ATP6V0A2: variants seen among roughly 807,000 people sequenced by gnomAD.
ATP6V0A2 encodes ATPase H+ transporting V0 subunit a2.
In ATP6V0A2, 58 loss-of-function variants were observed where a neutral mutation model predicts 104.4. The observed-to-expected ratio is 0.56, with a 90% CI of 0.45 to 0.69. The LOEUF (loss-of-function observed/expected upper bound fraction) is 0.69. Among genes scored for constraint, ATP6V0A2 ranks in the 30% least tolerant of loss-of-function variants. The pLI is 0.00. For missense variants in ATP6V0A2, 938 were observed against 1,062.9 expected (o/e 0.88, Z 1.63); for synonymous variants, 376 against 397.9 (o/e 0.95, Z 0.65).
intron 1 of ATP6V0A2, among the ~76,000 whole-genome samples, chr12:123,715,397 A>G (rs544077612): frequency 1.3e-5 from 2 of 152,314 alleles, no homozygotes; most frequent in South Asian, 2.1e-4. Flanking sequence ...GAAGGTGACA[A>G]ACAGAAGTGA....
At chr12:123,718,380 GC>G (rs1956364869) in intron 1 of ATP6V0A2, among the ~76,000 whole-genome samples, 1 of 151,884 alleles carries the variant, frequency 6.6e-6, no homozygotes, top group Non-Finnish European at 1.5e-5. Context: ...GTGAGCTACC[GC>G]CCCGGCCTAA....
In ATP6V0A2 at chr12:123,712,418, C is replaced by T. The variant is rs886049059; in HGVS notation, c.-148C>T. 17 of 412,696 alleles carry T rather than the reference C, an allele frequency of 4.1e-5. No homozygotes were observed. The highest frequency in any genetic ancestry group is 5.8e-5 in the Non-Finnish European group (14 of 242,988). The allele number at this position is 412,696 out of a possible 1,614,324, so 25.6% of individuals were successfully genotyped here. A position where few individuals can be genotyped will look rare whatever the true frequency, so the allele number is the denominator to read the frequency against. On this transcript the variant is annotated 5_prime_UTR_variant, in exon 1 of 20. Transcript: ENST00000330342. ...CCGCGGTGGCAGAACCGGGGGCGGCCGCTGCAGTCTGGAGCCCCATAGTGC... is the reference window on the plus strand; with the variant it reads ...CCGCGGTGGCAGAACCGGGGGCGGCTGCTGCAGTCTGGAGCCCCATAGTGC...
At chr12:123,736,617 G>T (rs892741272) in intron 8 of ATP6V0A2, among the ~76,000 whole-genome samples, 1 of 152,216 alleles carries the variant, frequency 6.6e-6, no homozygotes, top group Non-Finnish European at 1.5e-5. Flanking sequence ...TTGGCATGAA[G>T]TGTCCTTCTG....
intron 1 of ATP6V0A2, among the ~76,000 whole-genome samples, chr12:123,715,219 A>G (rs1956328721): frequency 6.6e-6 from 1 of 152,242 alleles, no homozygotes; most frequent in Non-Finnish European, 1.5e-5. Context: ...ATTTAGAGTT[A>G]AGTACTATTT....
chr12:123,724,740 G>A lies in ATP6V0A2; in HGVS notation c.381G>A (p.Glu127=), dbSNP rs761030937. 87 of 1,613,714 alleles carry A rather than the reference G, an allele frequency of 5.4e-5. No homozygotes were observed. Among genetic ancestry groups the A allele is most frequent in the Non-Finnish European group, 7.4e-5 (87 of 1,179,786 alleles). Residue 127 remains glutamate (E), a synonymous_variant, in exon 4 of 20, where the codon GAG becomes GAA. Transcript: ENST00000330342. ...GGAAAAACTTGCTGGAACTGATAGAGTACACTCACATGCTGAGAGTGACAA... is the reference window on the plus strand; with the variant it reads ...GGAAAAACTTGCTGGAACTGATAGAATACACTCACATGCTGAGAGTGACAA... ...KLRKNLLELI[E]YTHMLRVTKT...
At chr12:123,720,708 A>G (rs1593886614) in intron 2 of ATP6V0A2, among the ~76,000 whole-genome samples, 1 of 152,090 alleles carries the variant, frequency 6.6e-6, no homozygotes, top group East Asian at 1.9e-4. Context: ...TGCAGACTTA[A>G]AACAGTGAAA....
At chr12:123,757,710 A>C (rs1956777717) in intron 19 of ATP6V0A2, among the ~76,000 whole-genome samples, 1 of 152,164 alleles carries the variant, frequency 6.6e-6, no homozygotes, top group Non-Finnish European at 1.5e-5. Flanking sequence ...GCAGTGAGAG[A>C]CAGCGGATGT....
Position 123,754,542 on chromosome 12 carries a change from G to A in ATP6V0A2, c.2293+5G>A. 1 of 1,609,566 alleles carries A rather than the reference G, an allele frequency of 6.2e-7. No individual in the cohort carries two copies. The highest frequency in any genetic ancestry group is 1.1e-5 in the South Asian group (1 of 90,964). On this transcript the variant is annotated splice_donor_5th_base_variant and intron_variant, in intron 18 of 19. Coordinates refer to ENST00000330342, the MANE Select transcript of ATP6V0A2 (RefSeq NM_012463.4). Reference sequence around the variant, plus strand: ...CGCTTAGCCTGGCTCACGCACGTAAGTTCCTGCTTAGACCTGCAGTTCCCA... The same window carrying A: ...CGCTTAGCCTGGCTCACGCACGTAAATTCCTGCTTAGACCTGCAGTTCCCA...
intron 19 of ATP6V0A2, 104 bp from the exon 20 acceptor site, chr12:123,757,823 G>A: frequency 1.3e-6 from 1 of 752,630 alleles, no homozygotes; most frequent in Non-Finnish European, 2.2e-6. Context: ...ATTTTGGAAT[G>A]AAGCAATTTC....
rs1474075845 is a variant in ATP6V0A2, at chr12:123,712,358, C to G, written c.-208C>G. On this transcript the variant is annotated 5_prime_UTR_variant, in exon 1 of 20. Transcript: ENST00000330342. ...ACCGGCAGTGGCTTGGGGGCGGGAC[C>G]TCGCGGACTGCTGTGGCGGCAGCTG... The G allele has an allele frequency of 3.0e-6, 1 of 327,946 alleles. No individual in the cohort carries two copies. Among genetic ancestry groups the G allele is most frequent in the Non-Finnish European group, 5.5e-6 (1 of 182,858 alleles). 20.3% of individuals were successfully genotyped at this position (327,946 alleles called of 1,614,324 possible).
rs759077965 is a variant in ATP6V0A2 at position 123,737,231 on chromosome 12, C to T, written c.998C>T (p.Ala333Val). The change falls in exon 9 of 20, where the codon GCG (alanine) becomes GTG (valine). Residue 333 changes from alanine (A) to valine (V), a missense_variant. Ala to Val is a moderately conservative substitution (Grantham distance 64). Transcript: ENST00000330342. ...ATTGCTGAGGTCTGGTGTCCCGAGG[C>T]GGATCTGCAGGACCTGCGCCGGGCA... ...CLIAEVWCPE[A>V]DLQDLRRALE... 12 of 1,613,968 alleles carry T rather than the reference C, an allele frequency of 7.4e-6. No homozygotes were observed. In the East Asian group the frequency reaches 2.2e-4, roughly 30 times the overall value.
At chr12:123,717,829 G>GA (rs145246302) in intron 1 of ATP6V0A2, among the ~76,000 whole-genome samples, 2,296 of 152,098 alleles carry the variant, frequency 0.015, 46 homozygotes, top group African/African-American at 0.053. Flanking sequence ...CTTTTTCCCT[G>GA]AGATTGATGT....
rs1374256838 is a variant in ATP6V0A2 at position 123,724,618 on chromosome 12, T to C, written c.295-36T>C. 1.9e-6 allele frequency: 3 copies of C among 1,610,592 alleles called. No homozygotes were observed. In the African/African-American group the frequency reaches 4.0e-5, roughly 22 times the overall value. On this transcript the variant is annotated intron_variant, in intron 3 of 19. Coordinates refer to ENST00000330342, the MANE Select transcript of ATP6V0A2 (RefSeq NM_012463.4). ...TTATTGGAATTACACTTGGAACTAATTACTACCCTCTTAAGTAACCATTGT... is the reference window on the plus strand; with the variant it reads ...TTATTGGAATTACACTTGGAACTAACTACTACCCTCTTAAGTAACCATTGT...
At chr12:123,722,592 C>T (rs778007563) in intron 3 of ATP6V0A2, 144 bp downstream of exon 3, 14 of 672,216 alleles carry the variant, frequency 2.1e-5, no homozygotes, top group Non-Finnish European at 3.0e-5. Context: ...GATTAAAGAC[C>T]GCTATTATGA....
chr12:123,756,888 A>G lies in ATP6V0A2; in HGVS notation c.2367A>G (p.Leu789=), dbSNP rs142041624. The change falls in exon 19 of 20, where the codon CTA becomes CTG. Residue 789 remains leucine, a synonymous_variant. Transcript: ENST00000330342. ...TTGACACCACCTATGGCGTCTTGCT[A>G]CTGCTCCCGGTTATCGCGCTCTTTG... The part of the protein sequence containing the change: ...LRVDTTYGVL[L]LLPVIALFAV... The G allele has an allele frequency of 6.1e-5, 98 of 1,614,072 alleles. No individual in the cohort carries two copies. The highest frequency in any genetic ancestry group is 7.9e-5 in the Non-Finnish European group (93 of 1,180,036).
At chr12:123,749,154 A>G (rs1281481599) in intron 15 of ATP6V0A2, among the ~76,000 whole-genome samples, 1 of 152,186 alleles carries the variant, frequency 6.6e-6, no homozygotes, top group African/African-American at 2.4e-5. Flanking sequence ...GTCAGGCATG[A>G]TGGCTGCACC....
chr12:123,736,879 G>C (rs542788100), intron 8 of ATP6V0A2, among the ~76,000 whole-genome samples, 180 bp from the exon 9 acceptor site: 1 of 152,130 alleles, frequency 6.6e-6, no homozygotes, highest in Non-Finnish European at 1.5e-5. Flanking sequence ...GCCCACCTCC[G>C]AGTGGTACTA....
intron 3 of ATP6V0A2, 112 bp from the exon 4 acceptor site, chr12:123,724,542 A>G (rs1956429923): frequency 5.0e-6 from 6 of 1,195,318 alleles, no homozygotes; most frequent in Non-Finnish European, 4.8e-6. Flanking sequence ...AAAAAAAAAA[A>G]GAAAAAAACA....
chr12:123,718,800 G>GA (rs1249290310), intron 2 of ATP6V0A2, 99 bp downstream of exon 2: 53 of 799,354 alleles, frequency 6.6e-5, no homozygotes, highest in Non-Finnish European at 1.0e-4. Context: ...AAGCAGAAAG[G>GA]AAAAAAAGAA....
Sources: allele counts gnomAD v4.1 joint callset (sites outside exome capture counted in the v4.1 genomes callset), GRCh38; gene constraint gnomAD v4.1.1; transcripts MANE v1.5; gene names NCBI Gene and HGNC (gene_info 2026-07-23, HGNC 2026-07-21).